PDGFC: variants seen among roughly 807,000 people sequenced by gnomAD.
PDGFC encodes platelet-derived growth factor C.
Under a neutral mutation model 35.5 loss-of-function variants are expected in PDGFC, and 12 were observed. That is an observed-to-expected ratio of 0.34 (90% confidence interval 0.22 to 0.55). PDGFC has a LOEUF of 0.55. Ranked by LOEUF, PDGFC falls within the 20% of genes least tolerant of loss-of-function variation. PDGFC has a pLI of 0.91. For synonymous variants in PDGFC, 159 were observed against 148.8 expected, an observed-to-expected ratio of 1.07 and a Z score of -0.50; for missense variants, 322 against 412.4, an observed-to-expected ratio of 0.78 and a Z score of 1.90.
chr4:156,850,771 A>C (rs895684236), intron 1 of PDGFC, among the ~76,000 whole-genome samples: 2 of 151,830 alleles, frequency 1.3e-5, no homozygotes, highest in Admixed American at 6.6e-5. Flanking sequence ...TAGAATAAAA[A>C]TACACTAGAT....
chr4:156,767,035 T>C (rs1230453171), intron 5 of PDGFC, among the ~76,000 whole-genome samples: 1 of 152,112 alleles, frequency 6.6e-6, no homozygotes, highest in African/African-American at 2.4e-5. Flanking sequence ...CTAATGTTAA[T>C]GTTTTGTAGA....
chr4:156,937,146 G>A (rs899578749), intron 1 of PDGFC, among the ~76,000 whole-genome samples: 3 of 152,138 alleles, frequency 2.0e-5, no homozygotes, highest in Non-Finnish European at 4.4e-5. Flanking sequence ...ATAAATACAT[G>A]GTTATTGAAG....
chr4:156,875,533 A>C (rs1730092634), intron 1 of PDGFC, among the ~76,000 whole-genome samples: 1 of 152,202 alleles, frequency 6.6e-6, no homozygotes, highest in African/African-American at 2.4e-5. Flanking sequence ...GTAAATAGTA[A>C]AATAAATATA....
At chr4:156,854,507 T>A (rs1729527495) in intron 1 of PDGFC, among the ~76,000 whole-genome samples, 1 of 152,096 alleles carries the variant, frequency 6.6e-6, no homozygotes, top group South Asian at 2.1e-4. Flanking sequence ...AAATTACTGC[T>A]CCCAAAAAAT....
intron 2 of PDGFC, among the ~76,000 whole-genome samples, chr4:156,824,791 T>G (rs1732395928): frequency 6.6e-6 from 1 of 152,236 alleles, no homozygotes; most frequent in Admixed American, 6.5e-5. Flanking sequence ...CTATTCATAG[T>G]CCTCTCTCTT....
intron 1 of PDGFC, among the ~76,000 whole-genome samples, chr4:156,938,070 C>A (rs1263595375): frequency 6.6e-6 from 1 of 151,992 alleles, no homozygotes; most frequent in Non-Finnish European, 1.5e-5. Context: ...TGAAACAGTA[C>A]TTTTACATAC....
At chr4:156,930,735 GTGCA>G in intron 1 of PDGFC, among the ~76,000 whole-genome samples, 1 of 152,154 alleles carries the variant, frequency 6.6e-6, no homozygotes, top group East Asian at 1.9e-4. Flanking sequence ...GGGAGTGGTG[GTGCA>G]CGCCTGTAAT....
chr4:156,854,272 G>T (rs17035322), intron 1 of PDGFC, among the ~76,000 whole-genome samples: 17,050 of 152,088 alleles, frequency 0.11, 1,153 homozygotes, highest in African/African-American at 0.19. Flanking sequence ...ATAGCAGTGT[G>T]TGGCATATAA....
chr4:156,960,462 CGT>C (rs371589557), intron 1 of PDGFC, among the ~76,000 whole-genome samples: 8 of 150,376 alleles, frequency 5.3e-5, no homozygotes, highest in East Asian at 4.0e-4. Flanking sequence ...TACACACACA[CGT>C]GTGTGTGTGT....
chr4:156,890,351 G>A (rs1324179572), intron 1 of PDGFC, among the ~76,000 whole-genome samples: 2 of 152,106 alleles, frequency 1.3e-5, no homozygotes, highest in African/African-American at 2.4e-5. Flanking sequence ...ATGAGGATCC[G>A]CCCCCTGCAC....
intron 1 of PDGFC, among the ~76,000 whole-genome samples, chr4:156,891,991 A>G (rs1434191790): frequency 6.6e-6 from 1 of 152,198 alleles, no homozygotes; most frequent in Non-Finnish European, 1.5e-5. Flanking sequence ...TCTAGACATG[A>G]AGTACGTGCT....
intron 1 of PDGFC, among the ~76,000 whole-genome samples, chr4:156,857,852 T>C (rs1729619147): frequency 6.6e-6 from 1 of 152,070 alleles, no homozygotes; most frequent in South Asian, 2.1e-4. Context: ...TAATGGATTC[T>C]AGCCTAATGA....
chr4:156,948,707 G>A (rs1188304606), intron 1 of PDGFC, among the ~76,000 whole-genome samples: 2 of 151,920 alleles, frequency 1.3e-5, no homozygotes, highest in Non-Finnish European at 2.9e-5. Context: ...CTGCCCTACA[G>A]CCTTTATAGA....
At chr4:156,888,173 G>C (rs1730420678) in intron 1 of PDGFC, among the ~76,000 whole-genome samples, 1 of 152,130 alleles carries the variant, frequency 6.6e-6, no homozygotes, top group Admixed American at 6.5e-5. Flanking sequence ...TTTACAACTG[G>C]AGAGTTAAGT....
intron 1 of PDGFC, among the ~76,000 whole-genome samples, chr4:156,879,511 T>C (rs1448916521): frequency 3.9e-5 from 6 of 152,108 alleles, no homozygotes; most frequent in Admixed American, 2.6e-4. Flanking sequence ...TCTCCAGGGA[T>C]ACAAAAACCC....
intron 1 of PDGFC, among the ~76,000 whole-genome samples, chr4:156,904,261 A>C (rs2110778155): frequency 6.6e-6 from 1 of 152,138 alleles, no homozygotes; most frequent in African/African-American, 2.4e-5. Context: ...AGTCATGGAT[A>C]AAAGCTGGAA....
At chr4:156,962,085 T>TA (rs1261035336) in intron 1 of PDGFC, among the ~76,000 whole-genome samples, 1 of 152,196 alleles carries the variant, frequency 6.6e-6, no homozygotes, top group East Asian at 1.9e-4. Flanking sequence ...GATGGAATCT[T>TA]AGACATGAAG....
chr4:156,925,527 G>C (rs1170683927), intron 1 of PDGFC, among the ~76,000 whole-genome samples: 1 of 152,000 alleles, frequency 6.6e-6, no homozygotes, highest in Non-Finnish European at 1.5e-5. Flanking sequence ...CAGAAGAATA[G>C]GGGAAAAGCA....
Position 156,824,329 on chromosome 4 carries a change from C to CAT in PDGFC, c.315-13313_315-13312insAT, listed in dbSNP as rs1553967648. On this transcript the variant is annotated intron_variant, in intron 2 of 5. Transcript: ENST00000502773. ...ATATATATATATATATATATATATA[C>CAT]ACACACACACACACACACACATATA... Among the ~76,000 whole-genome samples, 19 of 79,216 alleles carry CAT rather than the reference C, an allele frequency of 2.4e-4. No homozygotes were observed. In the East Asian group the frequency reaches 3.6e-3, roughly 15 times the overall value. 52.0% of individuals were successfully genotyped at this position (79,216 alleles called of 152,430 possible).
Sources: gnomAD v4.1 joint callset for allele counts (sites outside exome capture counted in the v4.1 genomes callset) on GRCh38, gnomAD v4.1.1 for gene constraint, MANE v1.5 for transcripts, NCBI Gene and HGNC (gene_info 2026-07-23, HGNC 2026-07-21) for gene names.